PPP2R2B: variants seen among roughly 807,000 people sequenced by gnomAD.
PPP2R2B encodes protein phosphatase 2 regulatory subunit Bbeta, also known as serine/threonine-protein phosphatase 2A 55 kDa regulatory subunit B beta isoform.
Under a neutral mutation model 46.0 loss-of-function variants are expected in PPP2R2B, and 5 were observed. The ratio of observed to expected loss-of-function variants is 0.11; its 90% confidence interval spans 0.06 to 0.23. The LOEUF is 0.23. Among genes scored for constraint, PPP2R2B ranks in the 10% least tolerant of loss-of-function variants. PPP2R2B has a pLI of 1.00. For missense variants in PPP2R2B, 367 were observed against 575.0 expected, an observed-to-expected ratio of 0.64 and a Z score of 3.70; for synonymous variants, 215 against 206.7, an observed-to-expected ratio of 1.04 and a Z score of -0.34.
chr5:146,779,955 T>A (rs1755410033), intron 2 of PPP2R2B, among the ~76,000 whole-genome samples: 1 of 152,170 alleles, frequency 6.6e-6, no homozygotes, highest in Non-Finnish European at 1.5e-5. Context: ...TTATGTTAGA[T>A]TTGGAGATTC....
At chr5:146,929,851 A>G (rs1276267111) in intron 1 of PPP2R2B, among the ~76,000 whole-genome samples, 4 of 152,164 alleles carry the variant, frequency 2.6e-5, no homozygotes, top group African/African-American at 9.6e-5. Flanking sequence ...ATAAGGTAGT[A>G]TGTATATTAC....
At chr5:147,043,280 C>A (rs977725298) in intron 1 of PPP2R2B, among the ~76,000 whole-genome samples, 1 of 151,960 alleles carries the variant, frequency 6.6e-6, no homozygotes, top group Non-Finnish European at 1.5e-5. Context: ...GAAGCCCCAA[C>A]CCCCAATGTG....
chr5:146,899,699 T>G (rs1339976506), intron 1 of PPP2R2B, among the ~76,000 whole-genome samples: 1 of 152,100 alleles, frequency 6.6e-6, no homozygotes, highest in Non-Finnish European at 1.5e-5. Context: ...AATTATTCTA[T>G]GAAGACTAAT....
intron 2 of PPP2R2B, among the ~76,000 whole-genome samples, chr5:146,787,684 C>T (rs747680713): frequency 6.6e-6 from 1 of 152,258 alleles, no homozygotes; most frequent in East Asian, 1.9e-4. Flanking sequence ...TATCTTGCCT[C>T]AGCCTCCTGA....
rs1024319455 is a variant in PPP2R2B at position 146,957,020 on chromosome 5, T to G, written c.79+98645A>C. 3.3e-5 allele frequency among the ~76,000 whole-genome samples: 5 copies of G among 152,320 alleles called. No homozygotes were observed. The South Asian group carries it at 8.3e-4, about 25-fold the overall frequency. On this transcript the variant is annotated intron_variant, in intron 1 of 8. Coordinates refer to the PPP2R2B transcript ENST00000336640. ...TATGAATTTTGGAATACATAAACAT[T>G]CAGTCTATAGCCATATCCTAGAGTT...
intron 2 of PPP2R2B, among the ~76,000 whole-genome samples, chr5:147,068,973 C>T (rs916971888): frequency 6.6e-6 from 1 of 152,018 alleles, no homozygotes; most frequent in Admixed American, 6.6e-5. Context: ...TGATAATGAC[C>T]CTTAAGAAAC....
intron 1 of PPP2R2B, among the ~76,000 whole-genome samples, chr5:147,006,278 A>G (rs1754438534): frequency 6.6e-6 from 1 of 152,224 alleles, no homozygotes; most frequent in Non-Finnish European, 1.5e-5. Context: ...GCCAAATCTT[A>G]AAGTACTTAC....
chr5:146,903,543 A>T (rs112942402), intron 1 of PPP2R2B, among the ~76,000 whole-genome samples: 15,266 of 151,802 alleles, frequency 0.1, 1,170 homozygotes, highest in East Asian at 0.33. Context: ...CTATAGGTGC[A>T]TGCCACCACA....
intron 2 of PPP2R2B, among the ~76,000 whole-genome samples, chr5:146,756,266 T>C (rs1753824965): frequency 6.6e-6 from 1 of 152,218 alleles, no homozygotes; most frequent in African/African-American, 2.4e-5. Flanking sequence ...ATTCATTGCC[T>C]CATTTAATGG....
intron 1 of PPP2R2B, among the ~76,000 whole-genome samples, chr5:146,887,524 AT>A (rs1235413766): frequency 6.6e-6 from 1 of 152,232 alleles, no homozygotes; most frequent in African/African-American, 2.4e-5. Context: ...CAGAATAGTA[AT>A]TTTGAATCCA....
rs78261180 is a variant in PPP2R2B at position 146,966,520 on chromosome 5, C to T, written c.79+89145G>A. Reference sequence around the variant, plus strand: ...CGGCCTCCTCTGACATGACCTAAGGCCCCTCCCTCAACACTCTAATCCATC... The same window carrying T: ...CGGCCTCCTCTGACATGACCTAAGGTCCCTCCCTCAACACTCTAATCCATC... On this transcript the variant is annotated intron_variant, in intron 1 of 8. Coordinates refer to the PPP2R2B transcript ENST00000336640. Among the ~76,000 whole-genome samples, 1,092 of 152,272 alleles carry T rather than the reference C, an allele frequency of 7.2e-3. 39 individuals carry two copies. The East Asian group carries it at 0.098, about 14-fold the overall frequency.
At chr5:147,059,536 C>A (rs934545451), upstream of PPP2R2B, among the ~76,000 whole-genome samples, 1 of 152,020 alleles carries the variant, frequency 6.6e-6, no homozygotes, top group African/African-American at 2.4e-5. Flanking sequence ...GGAGGGAGAG[C>A]TCAAGAGCAG....
chr5:146,862,799 T>C (rs1761082366), intron 2 of PPP2R2B, among the ~76,000 whole-genome samples: 1 of 146,298 alleles, frequency 6.8e-6, no homozygotes, highest in Admixed American at 6.9e-5. Flanking sequence ...CATGTGCCAA[T>C]GTCTACATCA....
At chr5:146,781,786 A>G (rs1755546523) in intron 2 of PPP2R2B, among the ~76,000 whole-genome samples, 1 of 152,202 alleles carries the variant, frequency 6.6e-6, no homozygotes, top group African/African-American at 2.4e-5. Context: ...ACTAAATCCA[A>G]CTGAAAGTCA....
At chr5:146,962,009 A>G (rs1752192503) in intron 1 of PPP2R2B, among the ~76,000 whole-genome samples, 1 of 151,042 alleles carries the variant, frequency 6.6e-6, no homozygotes, top group African/African-American at 2.4e-5. Context: ...AAGCTTATTT[A>G]GCTAGTCTGG....
At chr5:146,924,418 A>G (rs903471369) in intron 1 of PPP2R2B, among the ~76,000 whole-genome samples, 1 of 152,170 alleles carries the variant, frequency 6.6e-6, no homozygotes, top group Non-Finnish European at 1.5e-5. Flanking sequence ...AACAGCTTGG[A>G]TCTGGTCTCT....
At chr5:147,051,152 A>G (rs1334546730) in intron 1 of PPP2R2B, among the ~76,000 whole-genome samples, 2 of 152,194 alleles carry the variant, frequency 1.3e-5, no homozygotes, top group African/African-American at 4.8e-5. Context: ...CTGTTCTCAT[A>G]CTCAGAAGGA....
intron 2 of PPP2R2B, among the ~76,000 whole-genome samples, chr5:146,771,852 C>G (rs1260465691): frequency 6.6e-6 from 1 of 152,082 alleles, no homozygotes; most frequent in African/African-American, 2.4e-5. Flanking sequence ...ATATCCTGGC[C>G]CATAAAAAGT....
At chr5:147,038,743 A>G (rs969275097) in intron 1 of PPP2R2B, among the ~76,000 whole-genome samples, 5 of 152,170 alleles carry the variant, frequency 3.3e-5, no homozygotes, top group Admixed American at 6.5e-5. Context: ...TTTATGGCAA[A>G]CAAGGCACAG....
Sources: allele counts gnomAD v4.1 joint callset (sites outside exome capture counted in the v4.1 genomes callset), GRCh38; gene constraint gnomAD v4.1.1; transcripts MANE v1.5; gene names NCBI Gene and HGNC (gene_info 2026-07-23, HGNC 2026-07-21).